The following MSRA variants were observed in gnomAD, a reference collection of about 807,000 sequenced individuals.
The protein encoded by MSRA is mitochondrial peptide methionine sulfoxide reductase.
In MSRA, 54 loss-of-function variants were observed where a neutral mutation model predicts 31.3. The observed-to-expected ratio is 1.73, with a 90% CI of 1.39 to 2.17. The LOEUF (loss-of-function observed/expected upper bound fraction) is 2.17. Ranked by LOEUF, MSRA falls within the 30% of genes most tolerant of loss-of-function variation. The pLI is 0.00. For synonymous variants in MSRA, 169 were observed against 116.5 expected (o/e 1.45, Z -2.90); for missense variants, 507 against 300.9 (o/e 1.69, Z -5.07).
chr8:10,292,462 C>A (rs1041745728), intron 3 of MSRA, among the ~76,000 whole-genome samples: 2 of 152,212 alleles, frequency 1.3e-5, no homozygotes, highest in Admixed American at 6.5e-5. Flanking sequence ...GCGGCAGGGC[C>A]GGGTGTGGAA....
Position 10,362,261 on chromosome 8 carries a change from T to G in MSRA, c.543+42272T>G, listed in dbSNP as rs369914732. Among the ~76,000 whole-genome samples, 40 of 152,202 alleles carry G rather than the reference T, an allele frequency of 2.6e-4. No homozygotes were observed. In the South Asian group the frequency reaches 3.3e-3, roughly 13 times the overall value. ...TGCAGATGCTCAGGAAATATCGTCC[T>G]TACTTAGGAGCACTCCTGTCAATGA... On this transcript the variant is annotated intron_variant, in intron 5 of 5. Coordinates refer to ENST00000317173, the MANE Select transcript of MSRA (RefSeq NM_012331.5).
intron 1 of MSRA, among the ~76,000 whole-genome samples, chr8:10,170,034 T>G (rs139161843): frequency 1.9e-3 from 277 of 142,106 alleles, no homozygotes; most frequent in African/African-American, 6.4e-3. Context: ...CCACTACGCC[T>G]GGCTAATATT....
chr8:10,396,426 C>A (rs867225699), intron 5 of MSRA, among the ~76,000 whole-genome samples: 1 of 152,138 alleles, frequency 6.6e-6, no homozygotes, highest in Non-Finnish European at 1.5e-5. Context: ...AAGGAAAATG[C>A]CACTGGGAAG....
intron 2 of MSRA, among the ~76,000 whole-genome samples, chr8:10,209,671 C>T (rs1215119495): frequency 2.0e-5 from 3 of 152,190 alleles, no homozygotes; most frequent in Non-Finnish European, 4.4e-5. Flanking sequence ...TCTAAGCCTC[C>T]GCTTTTCGAT....
intron 1 of MSRA, among the ~76,000 whole-genome samples, chr8:10,104,369 C>A (rs1213415367): frequency 6.6e-6 from 1 of 152,164 alleles, no homozygotes; most frequent in African/African-American, 2.4e-5. Context: ...CTCAGGAGGT[C>A]CTGACATGTG....
In MSRA at chr8:10,269,940, C is replaced by G. The variant is rs550221901; in HGVS notation, c.331+24717C>G. Among the ~76,000 whole-genome samples, 12 of 151,926 alleles carry G rather than the reference C, an allele frequency of 7.9e-5. No homozygotes were observed. In the South Asian group the frequency reaches 2.5e-3, roughly 32 times the overall value. ...TGCTGGGATTACAGGCGTGAGCCATCGTGCCTGGCCTGCTACCGCTTACTC... is the reference window on the plus strand; with the variant it reads ...TGCTGGGATTACAGGCGTGAGCCATGGTGCCTGGCCTGCTACCGCTTACTC... On this transcript the variant is annotated intron_variant, in intron 3 of 5. Coordinates refer to ENST00000317173, the MANE Select transcript of MSRA (RefSeq NM_012331.5).
intron 5 of MSRA, among the ~76,000 whole-genome samples, chr8:10,409,153 C>T (rs927762562): frequency 5.9e-5 from 9 of 152,144 alleles, no homozygotes; most frequent in African/African-American, 2.2e-4. Flanking sequence ...TACTGTTTTC[C>T]GTAGAGGTTG....
At chr8:10,164,672 G>A (rs536333650) in intron 1 of MSRA, among the ~76,000 whole-genome samples, 9 of 152,210 alleles carry the variant, frequency 5.9e-5, no homozygotes, top group African/African-American at 2.2e-4. Context: ...TGCCTAGGAC[G>A]TAGAAGGACT....
intron 1 of MSRA, among the ~76,000 whole-genome samples, chr8:10,105,066 A>G (rs1007129863): frequency 8.5e-5 from 13 of 152,220 alleles, no homozygotes; most frequent in Non-Finnish European, 1.6e-4. Context: ...TTGGTAATTT[A>G]GATTTCCTTT....
chr8:10,268,970 C>G (rs1283777174), intron 3 of MSRA, among the ~76,000 whole-genome samples: 1 of 152,218 alleles, frequency 6.6e-6, no homozygotes, highest in Non-Finnish European at 1.5e-5. Context: ...CAGATTGGAA[C>G]ACAATGACTA....
chr8:10,326,161 C>T (rs887407907), intron 5 of MSRA, among the ~76,000 whole-genome samples: 1 of 152,176 alleles, frequency 6.6e-6, no homozygotes, highest in East Asian at 1.9e-4. Flanking sequence ...TAATAGTCTT[C>T]TTCACTAGCC....
At chr8:10,335,253 T>TTG (rs1802964330) in intron 5 of MSRA, among the ~76,000 whole-genome samples, 1 of 144,372 alleles carries the variant, frequency 6.9e-6, no homozygotes, top group African/African-American at 2.5e-5. Flanking sequence ...CAGCTCTGTT[T>TTG]TTTTTTTTTT....
chr8:10,167,781 T>C lies in MSRA; in HGVS notation c.143-40052T>C, dbSNP rs955164324. Among the ~76,000 whole-genome samples, 9 of 152,294 alleles carry C rather than the reference T, an allele frequency of 5.9e-5. No homozygotes were observed. The South Asian group carries it at 1.9e-3, about 32-fold the overall frequency. ...TCCATGCATGAATGCTGATCCACTT[T>C]CTCTCATAGTGAGATGTACAAACAG... On this transcript the variant is annotated intron_variant, in intron 1 of 5. Coordinates refer to ENST00000317173, the MANE Select transcript of MSRA (RefSeq NM_012331.5).
At chr8:10,279,734 C>G (rs1287949530) in intron 3 of MSRA, among the ~76,000 whole-genome samples, 1 of 152,190 alleles carries the variant, frequency 6.6e-6, no homozygotes, top group Non-Finnish European at 1.5e-5. Flanking sequence ...CGTCTGACAC[C>G]TGAATGTAGC....
At chr8:10,115,515 A>T (rs1475274125) in intron 1 of MSRA, among the ~76,000 whole-genome samples, 5 of 152,196 alleles carry the variant, frequency 3.3e-5, no homozygotes, top group African/African-American at 1.2e-4. Flanking sequence ...CGAGAAAATC[A>T]ATTTCTGTGT....
intron 3 of MSRA, 82 bp downstream of exon 3, chr8:10,245,305 A>T: frequency 7.8e-7 from 1 of 1,286,240 alleles, no homozygotes; most frequent in Non-Finnish European, 1.1e-6. Flanking sequence ...GCTCTTTAAA[A>T]TGGAAATATG....
chr8:10,220,610 G>A (rs1483812277), intron 2 of MSRA, among the ~76,000 whole-genome samples: 1 of 152,166 alleles, frequency 6.6e-6, no homozygotes, highest in Non-Finnish European at 1.5e-5. Flanking sequence ...GTTTTTATGT[G>A]ATGACCCTTT....
intron 5 of MSRA, among the ~76,000 whole-genome samples, chr8:10,328,541 A>T (rs568175214): frequency 6.6e-6 from 1 of 152,174 alleles, no homozygotes; most frequent in East Asian, 1.9e-4. Context: ...GATATTCCTC[A>T]GTGTACCTCG....
chr8:10,151,730 G>A (rs1056515410), intron 1 of MSRA, among the ~76,000 whole-genome samples: 1 of 152,158 alleles, frequency 6.6e-6, no homozygotes, highest in Non-Finnish European at 1.5e-5. Flanking sequence ...CACAAGTCTG[G>A]CTGAAATTTA....
Sources: gnomAD v4.1 joint callset for allele counts (sites outside exome capture counted in the v4.1 genomes callset) on GRCh38, gnomAD v4.1.1 for gene constraint, MANE v1.5 for transcripts, NCBI Gene and HGNC (gene_info 2026-07-23, HGNC 2026-07-21) for gene names.